The following CTNND1 variants were observed in gnomAD, a reference collection of about 807,000 sequenced individuals.
CTNND1 encodes the protein catenin delta 1.
CTNND1 carries 16 observed loss-of-function variants against 112.1 expected under a neutral mutation model. The observed-to-expected ratio is 0.14, with a 90% confidence interval of 0.10 to 0.22. CTNND1 has a LOEUF of 0.22. Among genes scored for constraint, CTNND1 ranks in the 10% least tolerant of loss-of-function variants. The pLI is 1.00. For missense variants in CTNND1, 1,008 were observed against 1,257.0 expected, an observed-to-expected ratio of 0.80 and a Z score of 3.00; for synonymous variants, 420 against 446.5, an observed-to-expected ratio of 0.94 and a Z score of 0.75.
chr11:57,767,206 A>G (rs1393810972), intron 1 of CTNND1, among the ~76,000 whole-genome samples: 1 of 152,128 alleles, frequency 6.6e-6, no homozygotes, highest in East Asian at 1.9e-4. Flanking sequence ...TCCTGACTTC[A>G]TGATCCGCCT....
intron 1 of CTNND1, among the ~76,000 whole-genome samples, chr11:57,777,555 C>G (rs1181451779): frequency 1.3e-5 from 2 of 152,202 alleles, no homozygotes; most frequent in African/African-American, 4.8e-5. Flanking sequence ...CAGGCTTGAG[C>G]CACTGTGCCA....
In CTNND1 at chr11:57,791,483, A is replaced by G. The variant is rs2060737687; in HGVS notation, c.5A>G (p.Asp2Gly). 1.3e-6 allele frequency: 2 copies of G among 1,515,384 alleles called. No individual in the cohort carries two copies. The highest frequency in any genetic ancestry group is 2.8e-5 in the African/African-American group (2 of 71,130). The allele number at this position is 1,515,384 out of a possible 1,614,324, so 93.9% of individuals were successfully genotyped here. The change falls in exon 3 of 21, where the codon GAC becomes GGC. Residue 2 changes from aspartate to glycine, a missense_variant. This residue lies in a region of CTNND1 where 404 missense variants were observed against 457.9 expected (regional missense o/e 0.88). Transcript: ENST00000399050. M[D>G]DSEVESTASI... ...GCGGCTCCGCCCCTTACCTTCATGG[A>G]CGACTCAGAGGTGGAGTCGACCGCC...
In CTNND1 at chr11:57,791,361, C is replaced by T. The variant is rs2060721569; in HGVS notation, c.-94-24C>T. 4.5e-6 allele frequency: 6 copies of T among 1,342,886 alleles called. No individual in the cohort carries two copies. The East Asian group carries it at 1.8e-4, about 41-fold the overall frequency. The allele number at this position is 1,342,886 out of a possible 1,614,324, so 83.2% of individuals were successfully genotyped here. ...TCTCTGACCTGTGACCTTTTCTCTC[C>T]TTTCTCTTACCCTTTCCCGGTAGTG... is the stretch of plus-strand genomic sequence containing the variant. On this transcript the variant is annotated intron_variant, in intron 2 of 20. Transcript: ENST00000399050.
intron 1 of CTNND1, among the ~76,000 whole-genome samples, chr11:57,776,734 G>A (rs144668983): frequency 3.3e-5 from 5 of 152,230 alleles, no homozygotes; most frequent in Admixed American, 6.5e-5. Flanking sequence ...TATACTTGTC[G>A]TCTTCCCTCC....
chr11:57,773,423 G>A (rs561838834), intron 1 of CTNND1, among the ~76,000 whole-genome samples: 2 of 150,976 alleles, frequency 1.3e-5, no homozygotes, highest in East Asian at 3.9e-4. Flanking sequence ...ATGAGTCACT[G>A]TGGCCAGCCT....
chr11:57,774,239 T>G (rs1252562321), intron 1 of CTNND1, among the ~76,000 whole-genome samples: 1 of 152,264 alleles, frequency 6.6e-6, no homozygotes, highest in Non-Finnish European at 1.5e-5. Context: ...GGGTCTTTAA[T>G]GGTAGATTTA....
chr11:57,788,879 C>A lies in CTNND1; in HGVS notation c.-213-158C>A, dbSNP rs1458483663. Among the ~76,000 whole-genome samples, 1 of 152,206 alleles carries A rather than the reference C, an allele frequency of 6.6e-6. No homozygotes were observed. Among genetic ancestry groups the A allele is most frequent in the African/African-American group, 2.4e-5 (1 of 41,456 alleles). On this transcript the variant is annotated intron_variant, in intron 1 of 20. Coordinates refer to ENST00000399050, the MANE Select transcript of CTNND1 (RefSeq NM_001085458.2). This position sits in a 1 kb window ranked among gnomAD's most constrained non-coding sequence, Gnocchi z 4.1. ...CCAAGGCCTAGGTATCTGAACACAA[C>A]AAGGTCTAAAGGGCACTTGTCACAT... is the stretch of plus-strand genomic sequence containing the variant.
chr11:57,796,491 C>A lies in CTNND1; in HGVS notation c.455C>A (p.Thr152Lys), dbSNP rs1474171022. 6.2e-7 allele frequency: 1 copy of A among 1,612,192 alleles called. No homozygotes were observed. ...GTAGTGAAGACTGTGACAACACGGA[C>A]AGTACAGCCAGTCGCTATGGGACCA... Reference protein sequence around the residue: ...KKVVKTVTTRTVQPVAMGPDG... With the variant: ...KKVVKTVTTRKVQPVAMGPDG... Residue 152 changes from threonine to lysine, a missense_variant, in exon 6 of 21, where the codon ACA becomes AAA. By Grantham distance (78) the Thr-to-Lys change is moderately conservative. This residue lies in a region of CTNND1 where 404 missense variants were observed against 457.9 expected (regional missense o/e 0.88). Transcript: ENST00000399050.
rs568044449 is a variant in CTNND1, at chr11:57,814,175, C to A, written c.2639-136C>A. On this transcript the variant is annotated intron_variant, in intron 17 of 20. Transcript: ENST00000399050. ...ACAAAAAGCTTAAAAATTATCCAGG[C>A]ATTGTGATGCACATAGTTGGTGCTA... 57 of 650,220 alleles carry A rather than the reference C, an allele frequency of 8.8e-5. No individual in the cohort carries two copies. In the South Asian group the frequency reaches 1.0e-3, roughly 11 times the overall value. The allele number at this position is 650,220 out of a possible 1,614,324, so 40.3% of individuals were successfully genotyped here.
chr11:57,809,954 A>G (rs1304292921), intron 15 of CTNND1, among the ~76,000 whole-genome samples, 155 bp from the exon 16 acceptor site: 1 of 152,068 alleles, frequency 6.6e-6, no homozygotes, highest in Non-Finnish European at 1.5e-5. Flanking sequence ...CAGGTGATCC[A>G]CCTGCCTCAG....
Position 57,818,273 on chromosome 11 carries a change from T to C in CTNND1, c.*1965T>C, listed in dbSNP as rs954466397. 6.6e-6 allele frequency: 1 copy of C among 152,526 alleles called. No individual in the cohort carries two copies. The highest frequency in any genetic ancestry group is 2.4e-5 in the African/African-American group (1 of 41,416). 9.4% of individuals were successfully genotyped at this position (152,526 alleles called of 1,614,324 possible). On this transcript the variant is annotated 3_prime_UTR_variant, in exon 21 of 21. Coordinates refer to ENST00000399050, the MANE Select transcript of CTNND1 (RefSeq NM_001085458.2). The stretch of plus-strand genomic sequence containing the variant: ...ACCTTTAACTTTTTTTTCTCTCTTT[T>C]GTTTATAAAAAACACTAAACATTCA...
intron 1 of CTNND1, among the ~76,000 whole-genome samples, chr11:57,764,959 C>T (rs1328737448): frequency 6.6e-6 from 1 of 152,184 alleles, no homozygotes; most frequent in Non-Finnish European, 1.5e-5. Context: ...CCATAGAGCC[C>T]ATGGGGAGCT....
intron 1 of CTNND1, among the ~76,000 whole-genome samples, chr11:57,781,807 G>A (rs2059613845): frequency 6.6e-6 from 1 of 152,178 alleles, no homozygotes; most frequent in Non-Finnish European, 1.5e-5. Flanking sequence ...CGTCATGCAT[G>A]CTCCACAGAG....
intron 1 of CTNND1, among the ~76,000 whole-genome samples, chr11:57,770,673 AAAAAG>A (rs1307902928): frequency 1.2e-4 from 19 of 152,142 alleles, no homozygotes; most frequent in Admixed American, 8.5e-4. Context: ...AAAAATAAAA[AAAAAG>A]AAAAGAAAAG....
chr11:57,782,261 G>C (rs550790848), intron 1 of CTNND1, among the ~76,000 whole-genome samples: 1 of 152,246 alleles, frequency 6.6e-6, no homozygotes, highest in African/African-American at 2.4e-5. Flanking sequence ...CTAAGAGGAG[G>C]GTGGTCTGCC....
chr11:57,789,112 T>C lies in CTNND1; in HGVS notation c.-138T>C, dbSNP rs1450529289. ...ATGATTTTTTGAATCTAGACTGGGC[T>C]GTTCTCTGTGTTAAACCAATCAGTT... On this transcript the variant is annotated 5_prime_UTR_variant, in exon 2 of 21. Coordinates refer to ENST00000399050, the MANE Select transcript of CTNND1 (RefSeq NM_001085458.2). 5 of 1,535,606 alleles carry C rather than the reference T, an allele frequency of 3.3e-6. No homozygotes were observed. The East Asian group carries it at 9.8e-5, about 30-fold the overall frequency.
At chr11:57,763,835 A>G (rs764085343) in intron 1 of CTNND1, 3 of 152,188 alleles carry the variant, frequency 2.0e-5, no homozygotes, top group Non-Finnish European at 2.9e-5. Context: ...CAGTTTGAAA[A>G]TAGGTTCTGG....
At chr11:57,804,633 G>A in intron 8 of CTNND1, 30 bp from the exon 9 acceptor site, 2 of 1,559,766 alleles carry the variant, frequency 1.3e-6, no homozygotes, top group Non-Finnish European at 1.8e-6. Context: ...CTGGATTTGA[G>A]TCATCTTGAA....
At chr11:57,768,386 CTTTTTTTTTTTTTTTT>C (rs10617530) in intron 1 of CTNND1, among the ~76,000 whole-genome samples, 1 of 40,282 alleles carries the variant, frequency 2.5e-5, no homozygotes, top group Non-Finnish European at 4.9e-5. Flanking sequence ...GGACATCATC[CTTTTTTTTTTTTTTTT>C]TTTTTTTTTT....
Sources: allele counts gnomAD v4.1 joint callset (sites outside exome capture counted in the v4.1 genomes callset), GRCh38; gene constraint gnomAD v4.1.1; regional missense constraint gnomAD v4.1.1; non-coding constraint Gnocchi (gnomAD v3.1); transcripts MANE v1.5; gene names NCBI Gene and HGNC (gene_info 2026-07-23, HGNC 2026-07-21).